The following PARD3 variants were observed in gnomAD, a reference collection of about 807,000 sequenced individuals.
The protein encoded by PARD3 is par-3 family cell polarity regulator.
A neutral mutation model predicts 155.4 loss-of-function variants in PARD3; 75 were observed. The ratio of observed to expected loss-of-function variants is 0.48; its 90% CI spans 0.40 to 0.58. The LOEUF is 0.58. Among genes scored for constraint, PARD3 ranks in the 20% least tolerant of loss-of-function variants. PARD3 has a pLI of 0.00. For missense variants in PARD3, 1,642 were observed against 1,721.7 expected (o/e 0.95, Z 0.82); for synonymous variants, 576 against 610.5 (o/e 0.94, Z 0.83).
chr10:34,236,136 T>C lies in PARD3; in HGVS notation c.3419+33521A>G, dbSNP rs1408701291. Among the ~76,000 whole-genome samples, 6 of 152,172 alleles carry C rather than the reference T, an allele frequency of 3.9e-5. No homozygotes were observed. The East Asian group carries it at 1.2e-3, about 29-fold the overall frequency. ...TTTGGGGTATGTGACGGCTATAATA[T>C]GGGTAACCTACAGCTTATGATCTAA... On this transcript the variant is annotated intron_variant, in intron 22 of 24. Transcript: ENST00000374788.
intron 3 of PARD3, among the ~76,000 whole-genome samples, chr10:34,499,324 T>G (rs2080512207): frequency 6.6e-6 from 1 of 152,222 alleles, no homozygotes; most frequent in African/African-American, 2.4e-5. Context: ...TTGTTTCAGA[T>G]GTGCTTTCAG....
chr10:34,675,995 G>C (rs751477851), intron 2 of PARD3: 1 of 153,108 alleles, frequency 6.5e-6, no homozygotes, highest in Non-Finnish European at 1.5e-5. Context: ...TTGTAAAGCA[G>C]TGTTAACAAC....
At chr10:34,659,284 C>T (rs1188583854) in intron 2 of PARD3, among the ~76,000 whole-genome samples, 1 of 152,108 alleles carries the variant, frequency 6.6e-6, no homozygotes, top group Non-Finnish European at 1.5e-5. Context: ...TTGTTCCCAA[C>T]ATTTAAAAAT....
At chr10:34,582,812 A>G (rs1015459661) in intron 2 of PARD3, among the ~76,000 whole-genome samples, 1 of 152,222 alleles carries the variant, frequency 6.6e-6, no homozygotes, top group Admixed American at 6.5e-5. Flanking sequence ...TTAAGAAGTT[A>G]AAGACAAGAA....
At chr10:34,356,141 T>C (rs1267424776) in intron 14 of PARD3, among the ~76,000 whole-genome samples, 2 of 151,796 alleles carry the variant, frequency 1.3e-5, no homozygotes, top group Non-Finnish European at 1.5e-5. Context: ...CTAAGCAAAA[T>C]AGGCTAAGAA....
rs541473831 is a variant in PARD3 at position 34,426,221 on chromosome 10, T to G, written c.714+24096A>C. On this transcript the variant is annotated intron_variant, in intron 5 of 24. Coordinates refer to ENST00000374788, the MANE Select transcript of PARD3 (RefSeq NM_001184785.2). ...TAGTAAAAGGATGAGTTTTCTTACCTTTAAATGGCAATAGTAATGCCTGCT... is the reference window on the plus strand; with the variant it reads ...TAGTAAAAGGATGAGTTTTCTTACCGTTAAATGGCAATAGTAATGCCTGCT... 1.3e-3 allele frequency among the ~76,000 whole-genome samples: 199 copies of G among 152,314 alleles called. 1 individual carries two copies. Among genetic ancestry groups the G allele is most frequent in the Non-Finnish European group, 2.2e-3 (152 of 68,030 alleles).
chr10:34,731,781 T>G (rs753101127), intron 1 of PARD3, among the ~76,000 whole-genome samples: 6 of 152,314 alleles, frequency 3.9e-5, no homozygotes, highest in Non-Finnish European at 7.4e-5. Context: ...TACCAAAATC[T>G]TTATTTTTAA....
At chr10:34,524,250 C>G (rs1433401712) in intron 2 of PARD3, among the ~76,000 whole-genome samples, 1 of 152,188 alleles carries the variant, frequency 6.6e-6, no homozygotes, top group East Asian at 1.9e-4. Flanking sequence ...CAGGAGACCA[C>G]CATCATCATA....
intron 4 of PARD3, among the ~76,000 whole-genome samples, chr10:34,456,354 T>A (rs1437649514): frequency 3.9e-5 from 6 of 152,162 alleles, no homozygotes; most frequent in Non-Finnish European, 8.8e-5. Flanking sequence ...TGGAGTGCAG[T>A]GGCTCAATCT....
chr10:34,249,929 T>C (rs1014316223), intron 22 of PARD3, among the ~76,000 whole-genome samples: 2 of 152,172 alleles, frequency 1.3e-5, no homozygotes, highest in African/African-American at 4.8e-5. Flanking sequence ...GAGAAATATT[T>C]TGAAAATAAG....
At chr10:34,113,723 G>A (rs909898521) in intron 24 of PARD3, among the ~76,000 whole-genome samples, 2 of 152,110 alleles carry the variant, frequency 1.3e-5, no homozygotes, top group South Asian at 2.1e-4. Context: ...TTAGAGCAAC[G>A]TAGATTCAAA....
chr10:34,456,143 C>T (rs2077327484), intron 4 of PARD3, among the ~76,000 whole-genome samples: 2 of 152,224 alleles, frequency 1.3e-5, no homozygotes, highest in East Asian at 1.9e-4. Flanking sequence ...ACAACCACAT[C>T]GGGATCATTA....
At chr10:34,642,402 C>T (rs2092705833) in intron 2 of PARD3, among the ~76,000 whole-genome samples, 1 of 150,882 alleles carries the variant, frequency 6.6e-6, no homozygotes, top group South Asian at 2.1e-4. Flanking sequence ...CCCCATCTGG[C>T]CCTGCCTCTC....
intron 19 of PARD3, among the ~76,000 whole-genome samples, chr10:34,318,136 A>G (rs540382937): frequency 5.9e-5 from 9 of 152,316 alleles, no homozygotes; most frequent in Non-Finnish European, 1.3e-4. Flanking sequence ...TCGTAAGCAC[A>G]TGGTCCAAGG....
chr10:34,501,789 T>C (rs1187517230), intron 3 of PARD3, among the ~76,000 whole-genome samples: 1 of 152,140 alleles, frequency 6.6e-6, no homozygotes. Context: ...CATGTTACCT[T>C]ACATCATACA....
intron 14 of PARD3, among the ~76,000 whole-genome samples, chr10:34,354,481 T>C (rs2134439624): frequency 6.6e-6 from 1 of 151,886 alleles, no homozygotes; most frequent in Admixed American, 6.5e-5. Context: ...CACAGGAAAG[T>C]GGTAGATGGA....
At chr10:34,639,430 G>A (rs143079200) in intron 2 of PARD3, among the ~76,000 whole-genome samples, 1 of 152,120 alleles carries the variant, frequency 6.6e-6, no homozygotes, top group African/African-American at 2.4e-5. Flanking sequence ...AAAAAAACAC[G>A]TTTTTAAACA....
chr10:34,145,124 T>A (rs79166201), intron 22 of PARD3, among the ~76,000 whole-genome samples: 2,222 of 148,012 alleles, frequency 0.015, 67 homozygotes, highest in African/African-American at 0.052. Context: ...TCTTCTAGCT[T>A]ACAAGACTGA....
At chr10:34,642,554 T>C (rs566754871) in intron 2 of PARD3, among the ~76,000 whole-genome samples, 81 of 152,134 alleles carry the variant, frequency 5.3e-4, no homozygotes, top group African/African-American at 1.8e-3. Context: ...CTAGTTTGAT[T>C]ACCTGCACAA....
Sources: allele counts gnomAD v4.1 joint callset (sites outside exome capture counted in the v4.1 genomes callset), GRCh38; gene constraint gnomAD v4.1.1; transcripts MANE v1.5; gene names NCBI Gene and HGNC (gene_info 2026-07-23, HGNC 2026-07-21).